PAX5: variants seen among roughly 807,000 people sequenced by gnomAD.
PAX5 encodes the protein paired box protein Pax-5.
PAX5 carries 9 observed loss-of-function variants against 43.7 expected under a neutral mutation model. The ratio of observed to expected loss-of-function variants is 0.21; its 90% CI spans 0.12 to 0.36. PAX5 has a LOEUF of 0.36. PAX5 is among the 10% of genes least tolerant of loss of function. The pLI is 1.00. For missense variants in PAX5, 383 were observed against 532.7 expected (o/e 0.72, Z 2.77); for synonymous variants, 228 against 214.3 (o/e 1.06, Z -0.56).
intron 6 of PAX5, chr9:36,930,945 C>T (rs1341282030): frequency 3.7e-6 from 3 of 811,930 alleles, no homozygotes; most frequent in Non-Finnish European, 5.5e-6. Flanking sequence ...CGGGGCACCA[C>T]TGCCATAGCA....
intron 3 of PAX5, chr9:37,007,440 CCTT>C (rs1309741377): frequency 1.3e-5 from 2 of 152,218 alleles, no homozygotes; most frequent in African/African-American, 2.4e-5. Context: ...GCTCTAACAT[CCTT>C]CTGCAGAACC....
At chr9:36,941,056 C>T (rs550130770) in intron 6 of PAX5, among the ~76,000 whole-genome samples, 4 of 152,150 alleles carry the variant, frequency 2.6e-5, no homozygotes, top group East Asian at 3.9e-4. Context: ...GCCCAGTAAA[C>T]GCTAAACCAT....
chr9:36,953,784 C>T (rs1214903845), intron 6 of PAX5, among the ~76,000 whole-genome samples: 1 of 152,088 alleles, frequency 6.6e-6, no homozygotes, highest in East Asian at 1.9e-4. Context: ...TTTAAATTCC[C>T]TATCTTGGCC....
At chr9:36,964,277 T>C (rs1834225071) in intron 6 of PAX5, among the ~76,000 whole-genome samples, 1 of 145,346 alleles carries the variant, frequency 6.9e-6, no homozygotes, top group African/African-American at 2.6e-5. Context: ...CAAGATTCTG[T>C]CTCAAAAAAA....
Position 36,966,738 on chromosome 9 carries a change from G to GA in PAX5, c.605-15dup. On this transcript the variant is annotated splice_polypyrimidine_tract_variant and intron_variant, in intron 5 of 9. Coordinates refer to ENST00000358127, the MANE Select transcript of PAX5 (RefSeq NM_016734.3). ...ACTCCTGAATACCTTTGATGAGCAG[G>GA]AGAGAGGAAGGGTGAGTGGAGGTTA... 1 of 1,612,528 alleles carries GA rather than the reference G, an allele frequency of 6.2e-7. No homozygotes were observed.
chr9:36,835,989 T>G lies in PAX5; in HGVS notation c.*4571A>C. Reference sequence around the variant, plus strand: ...GGCTGTGTCAGGGTGCTTGGTTGGTTTTTAAGATTTGCTTCCCTGGCTTGG... The same window carrying G: ...GGCTGTGTCAGGGTGCTTGGTTGGTGTTTAAGATTTGCTTCCCTGGCTTGG... On this transcript the variant is annotated 3_prime_UTR_variant, in exon 10 of 10. Transcript: ENST00000358127. 4.3e-6 allele frequency: 1 copy of G among 233,464 alleles called. No individual in the cohort carries two copies. Among genetic ancestry groups the G allele is most frequent in the Non-Finnish European group, 8.5e-6 (1 of 118,198 alleles). 14.5% of individuals were successfully genotyped at this position (233,464 alleles called of 1,614,324 possible).
chr9:36,905,992 G>C (rs1015075994), intron 7 of PAX5, among the ~76,000 whole-genome samples: 1 of 152,178 alleles, frequency 6.6e-6, no homozygotes, highest in African/African-American at 2.4e-5. Flanking sequence ...GAACCAGCCA[G>C]TGCTCACAGA....
intron 9 of PAX5, among the ~76,000 whole-genome samples, chr9:36,842,054 CA>C (rs1291820390): frequency 6.6e-6 from 1 of 152,186 alleles, no homozygotes; most frequent in African/African-American, 2.4e-5. Flanking sequence ...CCCAAGGAGG[CA>C]GTATGGCAGT....
intron 8 of PAX5, chr9:36,860,785 C>A (rs1824142284): frequency 6.6e-6 from 1 of 152,196 alleles, no homozygotes; most frequent in Non-Finnish European, 1.5e-5. Flanking sequence ...ATGGGAGACT[C>A]CAGGCAGGCC....
At chr9:36,872,586 CCA>C (rs1235044009) in intron 8 of PAX5, among the ~76,000 whole-genome samples, 1 of 152,126 alleles carries the variant, frequency 6.6e-6, no homozygotes, top group East Asian at 1.9e-4. Context: ...CTTCATGTCC[CCA>C]GAGTCCTTTC....
chr9:36,846,645 G>A (rs554733492), intron 9 of PAX5, among the ~76,000 whole-genome samples, 198 bp downstream of exon 9: 1 of 152,264 alleles, frequency 6.6e-6, no homozygotes, highest in African/African-American at 2.4e-5. Flanking sequence ...GGGGAGGGAG[G>A]AGGGCATGAG....
At chr9:36,936,536 A>T (rs1831568486) in intron 6 of PAX5, among the ~76,000 whole-genome samples, 1 of 152,164 alleles carries the variant, frequency 6.6e-6, no homozygotes, top group Non-Finnish European at 1.5e-5. Flanking sequence ...TCTTGGCCAC[A>T]AAGGGGCCTG....
intron 6 of PAX5, among the ~76,000 whole-genome samples, chr9:36,925,417 A>G (rs1391924163): frequency 6.6e-6 from 1 of 152,174 alleles, no homozygotes; most frequent in East Asian, 1.9e-4. Flanking sequence ...CTACAGAGCT[A>G]CAGTAATTAA....
chr9:36,849,712 T>G (rs1822960096), intron 8 of PAX5, among the ~76,000 whole-genome samples: 2 of 152,058 alleles, frequency 1.3e-5, no homozygotes, highest in South Asian at 4.2e-4. Flanking sequence ...TGCCCCTTGG[T>G]GGGAGAAATG....
At chr9:36,894,021 C>T (rs752983104) in intron 7 of PAX5, among the ~76,000 whole-genome samples, 19 of 152,316 alleles carry the variant, frequency 1.2e-4, no homozygotes, top group Admixed American at 5.2e-4. Context: ...TTGTGCAGTG[C>T]AAGGCAACAG....
intron 5 of PAX5, among the ~76,000 whole-genome samples, chr9:36,983,738 T>A (rs1376666375): frequency 6.6e-6 from 1 of 152,140 alleles, no homozygotes; most frequent in Admixed American, 6.5e-5. Context: ...CCTCCCAAAG[T>A]GCTAGGATTA....
Position 37,015,761 on chromosome 9 carries a change from T to C in PAX5, c.213-567A>G, listed in dbSNP as rs372692521. Among the ~76,000 whole-genome samples the C allele has an allele frequency of 7.9e-5, 12 of 152,252 alleles. 1 individual carries two copies. The East Asian group carries it at 1.5e-3, about 20-fold the overall frequency. The stretch of plus-strand genomic sequence containing the variant: ...TGCCCAGCTAATTTTGTATTTTTAG[T>C]AGAGACGGGGGTTTCACCATGTTAG... On this transcript the variant is annotated intron_variant, in intron 2 of 9. Coordinates refer to ENST00000358127, the MANE Select transcript of PAX5 (RefSeq NM_016734.3). The surrounding 1 kb of genome is among the most constrained non-coding windows in gnomAD (Gnocchi z 4.4).
Position 36,957,681 on chromosome 9 carries a change from C to T in PAX5, c.780+8868G>A, listed in dbSNP as rs551339812. 1.6e-4 allele frequency among the ~76,000 whole-genome samples: 25 copies of T among 152,218 alleles called. No individual in the cohort carries two copies. The East Asian group carries it at 3.9e-3, about 23-fold the overall frequency. ...GCATCCTGTTTATCCCAGTGTGTTA[C>T]GCAAATATTAACACTTTCTATGCGT... On this transcript the variant is annotated intron_variant, in intron 6 of 9. Transcript: ENST00000358127.
intron 1 of PAX5, 34 bp downstream of exon 1, chr9:37,033,952 G>C (rs888604082): frequency 6.2e-7 from 1 of 1,608,416 alleles, no homozygotes; most frequent in Non-Finnish European, 8.5e-7. Flanking sequence ...GTGTCCCGGA[G>C]TTTGCACATC....
Sources: gnomAD v4.1 joint callset for allele counts (sites outside exome capture counted in the v4.1 genomes callset) on GRCh38, gnomAD v4.1.1 for gene constraint, Gnocchi (gnomAD v3.1) non-coding constraint, MANE v1.5 for transcripts, NCBI Gene and HGNC (gene_info 2026-07-23, HGNC 2026-07-21) for gene names.